Variants in NTN4 observed in about 807,000 individuals in gnomAD.
NTN4 encodes netrin 4, also known as netrin-4.
NTN4 carries 32 observed loss-of-function variants against 73.6 expected under a neutral mutation model. The ratio of observed to expected loss-of-function variants is 0.44; its 90% CI spans 0.33 to 0.58. The LOEUF is 0.58. Ranked by LOEUF, NTN4 falls within the 20% of genes least tolerant of loss-of-function variation. The probability of loss-of-function intolerance (pLI) is 0.04; values close to 1 mark genes in which losing one functional copy is unlikely to be tolerated. For synonymous variants in NTN4, 258 were observed against 287.5 expected, an observed-to-expected ratio of 0.90 and a Z score of 1.04; for missense variants, 654 against 798.3, an observed-to-expected ratio of 0.82 and a Z score of 2.18.
intron 5 of NTN4, among the ~76,000 whole-genome samples, chr12:95,705,873 C>T (rs1211758284): frequency 2.6e-5 from 4 of 152,140 alleles, no homozygotes; most frequent in Non-Finnish European, 5.9e-5. Context: ...AACTAGCACA[C>T]CTAGCACATA....
At chr12:95,698,312 A>T (rs752259038) in intron 5 of NTN4, among the ~76,000 whole-genome samples, 5 of 152,244 alleles carry the variant, frequency 3.3e-5, no homozygotes, top group Non-Finnish European at 5.9e-5. Context: ...CATGACAGCC[A>T]TTCACCAAAT....
At chr12:95,765,621 T>C (rs768985415) in intron 2 of NTN4, among the ~76,000 whole-genome samples, 9 of 152,204 alleles carry the variant, frequency 5.9e-5, no homozygotes, top group Non-Finnish European at 1.0e-4. Context: ...TACCACCATA[T>C]CCTTGGAGCC....
At chr12:95,727,175 A>G (rs2078701252) in intron 3 of NTN4, among the ~76,000 whole-genome samples, 1 of 152,170 alleles carries the variant, frequency 6.6e-6, no homozygotes, top group Non-Finnish European at 1.5e-5. Context: ...ATGACTAATG[A>G]TGTTGAATGT....
rs1458052860 is a variant in NTN4 at position 95,787,026 on chromosome 12, A to G, written c.498T>C (p.Ala166=). 6.2e-7 allele frequency: 1 copy of G among 1,614,206 alleles called. No individual in the cohort carries two copies. The highest frequency in any genetic ancestry group is 8.5e-7 in the Non-Finnish European group (1 of 1,180,028). The change falls in exon 2 of 10, where the codon GCT becomes GCC. Residue 166 remains alanine (A), a synonymous_variant. Coordinates refer to ENST00000343702, the MANE Select transcript of NTN4 (RefSeq NM_021229.4). ...CAACATCATCTTCCAGGCCAAATGT[A>G]GCGGAGCAGTTAGTCGCAAAGTACT... is the stretch of plus-strand genomic sequence containing the variant. ...PYKYFATNCS[A]TFGLEDDVVK...
intron 2 of NTN4, among the ~76,000 whole-genome samples, chr12:95,741,784 C>T (rs2078829110): frequency 6.6e-6 from 1 of 151,860 alleles, no homozygotes; most frequent in African/African-American, 2.4e-5. Flanking sequence ...CTCTCTCTCT[C>T]TCAAAATATT....
At chr12:95,713,439 A>C in intron 3 of NTN4, 101 bp from the exon 4 acceptor site, 1 of 1,327,038 alleles carries the variant, frequency 7.5e-7, no homozygotes, top group South Asian at 1.8e-5. Flanking sequence ...TTTAGTCATA[A>C]GATGTTCATT....
chr12:95,704,273 AC>A (rs2078507834), intron 5 of NTN4, among the ~76,000 whole-genome samples: 1 of 152,224 alleles, frequency 6.6e-6, no homozygotes, highest in African/African-American at 2.4e-5. Flanking sequence ...ATTTTGAATA[AC>A]ATTGTACTTG....
intron 2 of NTN4, among the ~76,000 whole-genome samples, chr12:95,784,814 T>A (rs2079156316): frequency 1.3e-5 from 2 of 152,106 alleles, no homozygotes; most frequent in African/African-American, 4.8e-5. Context: ...AAAACACTTA[T>A]GAACTAGGTT....
intron 5 of NTN4, among the ~76,000 whole-genome samples, chr12:95,689,386 C>T (rs1008912210): frequency 6.6e-6 from 1 of 152,178 alleles, no homozygotes; most frequent in Non-Finnish European, 1.5e-5. Flanking sequence ...AGCCCTTGTT[C>T]TAATTAATTA....
chr12:95,696,314 C>T (rs553225569), intron 5 of NTN4, among the ~76,000 whole-genome samples: 70 of 152,114 alleles, frequency 4.6e-4, no homozygotes, highest in African/African-American at 1.5e-3. Flanking sequence ...TTTTGTTGTA[C>T]AGACAGTGAC....
chr12:95,686,054 TTGTAA>T (rs1464163811), intron 5 of NTN4, among the ~76,000 whole-genome samples: 1 of 151,794 alleles, frequency 6.6e-6, no homozygotes, highest in Non-Finnish European at 1.5e-5. Flanking sequence ...CCTGGCTAAT[TTGTAA>T]TTTGTTATTT....
At position 95,790,181 on chromosome 12, in the gene NTN4, G is replaced by A; in HGVS notation, c.55+74C>T. 3 of 1,357,046 alleles carry A rather than the reference G, an allele frequency of 2.2e-6. No individual in the cohort carries two copies. The highest frequency in any genetic ancestry group is 3.0e-6 in the Non-Finnish European group (3 of 996,954). The allele number at this position is 1,357,046 out of a possible 1,614,324, so 84.1% of individuals were successfully genotyped here. On this transcript the variant is annotated intron_variant, in intron 1 of 9. Transcript: ENST00000343702. This position sits in a 1 kb window ranked among gnomAD's most constrained non-coding sequence, Gnocchi z 6.5. The stretch of plus-strand genomic sequence containing the variant: ...CTGCGCTCGCAGCCCTGGCTCCCCT[G>A]CACCCCCGAGTCCCGAGATGGGTTA...
intron 7 of NTN4, chr12:95,673,639 A>T (rs1282967015): frequency 6.8e-6 from 1 of 147,128 alleles, no homozygotes; most frequent in Non-Finnish European, 1.5e-5. Context: ...AAAAAAAAAA[A>T]AGTATAGTAT....
At position 95,657,819 on chromosome 12, in the gene NTN4, C is replaced by G. The variant is rs888730393; in HGVS notation, c.*1267G>C. On this transcript the variant is annotated 3_prime_UTR_variant, in exon 10 of 10. Transcript: ENST00000343702. ...AATGAGACAAAAATCAGATCATATTCCTTTATTACATATATGAAATATAAA... is the reference window on the plus strand; with the variant it reads ...AATGAGACAAAAATCAGATCATATTGCTTTATTACATATATGAAATATAAA... The G allele has an allele frequency of 3.9e-5, 6 of 152,104 alleles. No individual in the cohort carries two copies. The highest frequency in any genetic ancestry group is 8.8e-5 in the Non-Finnish European group (6 of 67,974). 9.4% of individuals were successfully genotyped at this position (152,104 alleles called of 1,614,324 possible).
At chr12:95,683,789 A>G (rs1309047254) in intron 5 of NTN4, 78 bp from the exon 6 acceptor site, 2 of 1,138,720 alleles carry the variant, frequency 1.8e-6, no homozygotes, top group African/African-American at 3.1e-5. Context: ...ACCATCCCCA[A>G]GTGGCTTCCC....
At position 95,738,069 on chromosome 12, in the gene NTN4, T is replaced by A. The variant is rs535550391; in HGVS notation, c.661A>T (p.Ile221Phe). 1.2e-6 allele frequency: 2 copies of A among 1,614,154 alleles called. No homozygotes were observed. ...AGCAGCTGCACGCGAAGGTTGGTGATCTTCAGCTGCTCCTGAACTTTGGCA... is the reference window on the plus strand; with the variant it reads ...AGCAGCTGCACGCGAAGGTTGGTGAACTTCAGCTGCTCCTGAACTTTGGCA... ...YSAKVQEQLK[I>F]TNLRVQLLKR... The change falls in exon 3 of 10, where the codon ATC (isoleucine) becomes TTC (phenylalanine). Residue 221 changes from isoleucine (I) to phenylalanine (F), a missense_variant. Coordinates refer to ENST00000343702, the MANE Select transcript of NTN4 (RefSeq NM_021229.4).
chr12:95,790,904 C>T (rs1223764955), upstream of NTN4: 1 of 139,954 alleles, frequency 7.1e-6, no homozygotes, highest in Non-Finnish European at 1.6e-5. This position sits in a 1 kb window ranked among gnomAD's most constrained non-coding sequence, Gnocchi z 6.5. Flanking sequence ...CCCGCGGGAT[C>T]GGATCGCCGC....
intron 7 of NTN4, among the ~76,000 whole-genome samples, chr12:95,681,018 T>C (rs2078310869): frequency 6.6e-6 from 1 of 151,874 alleles, no homozygotes; most frequent in South Asian, 2.1e-4. Flanking sequence ...TGAAACCCCA[T>C]CTCTACTAAA....
intron 7 of NTN4, chr12:95,672,621 A>G: frequency 6.6e-7 from 1 of 1,523,694 alleles, no homozygotes. Context: ...ACTGCTGCAA[A>G]GCATGGTGAG....
Sources: allele counts gnomAD v4.1 joint callset (sites outside exome capture counted in the v4.1 genomes callset), GRCh38; gene constraint gnomAD v4.1.1; non-coding constraint Gnocchi (gnomAD v3.1); transcripts MANE v1.5; gene names NCBI Gene and HGNC (gene_info 2026-07-23, HGNC 2026-07-21).